The following SMAD1 variants were observed in gnomAD, a reference collection of about 807,000 sequenced individuals.
SMAD1 encodes SMAD family member 1.
A neutral mutation model predicts 41.6 loss-of-function variants in SMAD1; 6 were observed. That is an observed-to-expected ratio of 0.14 (90% CI 0.08 to 0.28). The LOEUF is 0.28. Ranked by LOEUF, SMAD1 falls within the 10% of genes least tolerant of loss-of-function variation. The pLI is 1.00. For missense variants in SMAD1, 379 were observed against 582.6 expected, an observed-to-expected ratio of 0.65 and a Z score of 3.60; for synonymous variants, 206 against 203.2, an observed-to-expected ratio of 1.01 and a Z score of -0.12.
chr4:145,487,352 A>G (rs761948059), intron 1 of SMAD1, among the ~76,000 whole-genome samples: 2 of 152,176 alleles, frequency 1.3e-5, no homozygotes, highest in Non-Finnish European at 2.9e-5. Flanking sequence ...ATTTAAATAT[A>G]AAAAAGTGGA....
intron 1 of SMAD1, chr4:145,496,999 A>G (rs1396147343): frequency 6.6e-6 from 1 of 152,218 alleles, no homozygotes; most frequent in Non-Finnish European, 1.5e-5. Flanking sequence ...ATACTAAAAC[A>G]CTATAGTTAA....
At chr4:145,498,925 C>T (rs775441877) in intron 1 of SMAD1, among the ~76,000 whole-genome samples, 1 of 152,096 alleles carries the variant, frequency 6.6e-6, no homozygotes, top group Non-Finnish European at 1.5e-5. Context: ...TGTGTGTGTT[C>T]ATCTGAGGGA....
chr4:145,502,808 A>G (rs888417394), intron 1 of SMAD1: 1 of 152,186 alleles, frequency 6.6e-6, no homozygotes, highest in Non-Finnish European at 1.5e-5. Context: ...TACAAGTGGT[A>G]AGTAGTAAGC....
intron 2 of SMAD1, among the ~76,000 whole-genome samples, chr4:145,534,583 A>C (rs1199576169): frequency 6.6e-6 from 1 of 152,206 alleles, no homozygotes; most frequent in African/African-American, 2.4e-5. Context: ...AACAGGATGA[A>C]ATGTAGTGGA....
chr4:145,554,910 CTTG>C (rs948282762), intron 6 of SMAD1, among the ~76,000 whole-genome samples: 41 of 152,280 alleles, frequency 2.7e-4, no homozygotes, highest in African/African-American at 8.4e-4. Context: ...GCTCACCAAA[CTTG>C]TTGTTAAACC....
chr4:145,493,946 A>G (rs1227579619), intron 1 of SMAD1, among the ~76,000 whole-genome samples: 2 of 152,040 alleles, frequency 1.3e-5, no homozygotes, highest in African/African-American at 4.8e-5. Context: ...GCCCACTTCT[A>G]CCTTACTTTA....
At chr4:145,527,801 C>T (rs949737435) in intron 2 of SMAD1, among the ~76,000 whole-genome samples, 6 of 151,732 alleles carry the variant, frequency 4.0e-5, no homozygotes, top group African/African-American at 7.3e-5. Context: ...TTTTGGATTG[C>T]GAGTCCACAT....
At chr4:145,539,266 G>T (rs952835469) in intron 2 of SMAD1, among the ~76,000 whole-genome samples, 1 of 152,104 alleles carries the variant, frequency 6.6e-6, no homozygotes, top group East Asian at 1.9e-4. Flanking sequence ...TATCTTCATG[G>T]CATTTGCATT....
chr4:145,535,526 T>C (rs773586244), intron 2 of SMAD1, among the ~76,000 whole-genome samples: 17 of 152,174 alleles, frequency 1.1e-4, no homozygotes, highest in Non-Finnish European at 2.2e-4. Flanking sequence ...GAAGTTTTTC[T>C]CATATATAGG....
At chr4:145,540,167 G>T in intron 3 of SMAD1, 106 bp downstream of exon 3, 1 of 1,297,596 alleles carries the variant, frequency 7.7e-7, no homozygotes. Flanking sequence ...TTTCAGCCCT[G>T]GTATATGACA....
chr4:145,547,068 A>G, intron 5 of SMAD1, 144 bp downstream of exon 5: 1 of 686,004 alleles, frequency 1.5e-6, no homozygotes, highest in Non-Finnish European at 2.5e-6. Context: ...ATATTTTTCC[A>G]GTTTCTGCTA....
intron 2 of SMAD1, among the ~76,000 whole-genome samples, chr4:145,530,586 G>T (rs896004483): frequency 6.6e-6 from 1 of 152,078 alleles, no homozygotes; most frequent in African/African-American, 2.4e-5. Flanking sequence ...TTATGATATT[G>T]TTGAATGAAA....
intron 1 of SMAD1, among the ~76,000 whole-genome samples, chr4:145,486,275 T>G (rs1180059191): frequency 6.6e-6 from 1 of 152,234 alleles, no homozygotes; most frequent in Non-Finnish European, 1.5e-5. Context: ...CAAAGCCAAA[T>G]TAGTTTTATC....
rs567203646 is a variant in SMAD1, at chr4:145,540,197, G to A, written c.658+136G>A. On this transcript the variant is annotated intron_variant, in intron 3 of 6. Transcript: ENST00000302085. ...ATGACATAGTGCTCTCGCACTTTTA[G>A]GATACAACTTTTGGTGAAAGGAGAC... 1,067 of 954,094 alleles carry A rather than the reference G, an allele frequency of 1.1e-3. 8 individuals carry two copies. The highest frequency in any genetic ancestry group is 6.9e-3 in the South Asian group (405 of 59,014). 59.1% of individuals were successfully genotyped at this position (954,094 alleles called of 1,614,324 possible). A position where few individuals can be genotyped will look rare whatever the true frequency, so the allele number is the denominator to read the frequency against.
rs1560770409 is a variant in SMAD1, at chr4:145,557,912, A to G, written c.1376A>G (p.Asn459Ser). 2 of 1,609,104 alleles carry G rather than the reference A, an allele frequency of 1.2e-6. No homozygotes were observed. The highest frequency in any genetic ancestry group is 1.3e-5 in the African/African-American group (1 of 74,948). ...KVLTQMGSPHNPISSVS is the reference protein window; with the variant it reads ...KVLTQMGSPHSPISSVS ...CTTACTCAAATGGGTTCACCTCATA[A>G]TCCTATTTCATCTGTATCTTAAATG... Residue 459 changes from asparagine (N) to serine (S), a missense_variant, in exon 7 of 7, where the codon AAT becomes AGT. Physicochemically the swap from Asn to Ser is conservative, Grantham distance 46. This residue lies in a region of SMAD1 where 107 missense variants were observed against 218.3 expected (regional missense o/e 0.49). Coordinates refer to ENST00000302085, the MANE Select transcript of SMAD1 (RefSeq NM_005900.3).
chr4:145,484,858 C>G (rs2126926028), intron 1 of SMAD1: 1 of 152,292 alleles, frequency 6.6e-6, no homozygotes, highest in South Asian at 2.1e-4. Context: ...TGAATTTTCA[C>G]TGTATTGATA....
At chr4:145,498,290 T>TA (rs1214795497) in intron 1 of SMAD1, among the ~76,000 whole-genome samples, 1 of 152,216 alleles carries the variant, frequency 6.6e-6, no homozygotes, top group Non-Finnish European at 1.5e-5. Context: ...GAATCCTTAA[T>TA]AAAAGAGTAC....
At chr4:145,507,385 G>A (rs979748887) in intron 1 of SMAD1, among the ~76,000 whole-genome samples, 6 of 151,810 alleles carry the variant, frequency 4.0e-5, no homozygotes, top group East Asian at 1.9e-4. Flanking sequence ...TATGTTCTGC[G>A]TACAGTTTTC....
chr4:145,542,825 GAGA>G (rs1453670801), intron 4 of SMAD1, 127 bp downstream of exon 4: 2 of 599,270 alleles, frequency 3.3e-6, no homozygotes, highest in Non-Finnish European at 5.9e-6. Flanking sequence ...CCAATGTTAA[GAGA>G]AGCTCACTAC....
Sources: allele counts gnomAD v4.1 joint callset (sites outside exome capture counted in the v4.1 genomes callset), GRCh38; gene constraint gnomAD v4.1.1; regional missense constraint gnomAD v4.1.1; transcripts MANE v1.5; gene names NCBI Gene and HGNC (gene_info 2026-07-23, HGNC 2026-07-21).